SMAD9: variants seen among roughly 807,000 people sequenced by gnomAD.
SMAD9 encodes the protein SMAD family member 9.
Under a neutral mutation model 46.1 loss-of-function variants are expected in SMAD9, and 36 were observed. That is an observed-to-expected ratio of 0.78 (90% CI 0.60 to 1.03). SMAD9 has a LOEUF of 1.03. Among genes scored for constraint, SMAD9 ranks in the 50% least tolerant of loss-of-function variants. The pLI, the probability that SMAD9 is intolerant of heterozygous loss-of-function variation, is 0.00. For missense variants in SMAD9, 572 were observed against 599.8 expected, an observed-to-expected ratio of 0.95 and a Z score of 0.48; for synonymous variants, 245 against 237.1, an observed-to-expected ratio of 1.03 and a Z score of -0.31.
intron 1 of SMAD9, among the ~76,000 whole-genome samples, chr13:36,900,749 A>G (rs1325472501): frequency 6.6e-6 from 1 of 151,508 alleles, no homozygotes; most frequent in African/African-American, 2.4e-5. Context: ...TATTTTACTT[A>G]TTTTAAAAAA....
chr13:36,901,844 T>C (rs2058579092), intron 1 of SMAD9, among the ~76,000 whole-genome samples: 1 of 152,224 alleles, frequency 6.6e-6, no homozygotes, highest in South Asian at 2.1e-4. Context: ...ACTTTAAAAT[T>C]GGGTTGTGTG....
At position 36,879,381 on chromosome 13, in the gene SMAD9, G is replaced by T; in HGVS notation, c.309C>A (p.Ser103=). The T allele has an allele frequency of 3.7e-6, 6 of 1,614,118 alleles. No individual in the cohort carries two copies. The highest frequency in any genetic ancestry group is 5.1e-6 in the Non-Finnish European group (6 of 1,180,034). ...CRVWRWPDLQ[S]HHELKPLECC... ...ACTCCAGCGGCTTCAGCTCGTGGTG[G>T]GACTGCAGATCCGGCCAGCGCCACA... Residue 103 remains serine (S), a synonymous_variant, in exon 2 of 7, where the codon TCC becomes TCA. Transcript: ENST00000379826.
In SMAD9 at chr13:36,887,873, A is replaced by G. The variant is rs7333607; in HGVS notation, c.-186-7998T>C. The stretch of plus-strand genomic sequence containing the variant: ...TTCCCTCTGAAAACTCCAAGGTTGC[A>G]GAGAAGTTAGTGAGACAGGCAGCAG... On this transcript the variant is annotated intron_variant, in intron 1 of 6. Transcript: ENST00000379826. Among the ~76,000 whole-genome samples the G allele has an allele frequency of 0.23, 35,516 of 152,076 alleles. 4,309 individuals carry two copies. Among genetic ancestry groups the G allele is most frequent in the African/African-American group, 0.27 (11,354 of 41,476 alleles).
At chr13:36,913,378 T>G (rs561689331) in intron 1 of SMAD9, among the ~76,000 whole-genome samples, 3 of 152,214 alleles carry the variant, frequency 2.0e-5, no homozygotes, top group African/African-American at 7.2e-5. Context: ...ATAGGCAGGG[T>G]AGACACAATA....
intron 1 of SMAD9, among the ~76,000 whole-genome samples, chr13:36,902,499 G>A (rs1304948878): frequency 6.6e-6 from 1 of 151,714 alleles, no homozygotes; most frequent in Non-Finnish European, 1.5e-5. Context: ...TGTCACCCAG[G>A]CTGGAGTGCA....
intron 2 of SMAD9, among the ~76,000 whole-genome samples, chr13:36,877,220 G>A (rs1455532159): frequency 6.6e-6 from 1 of 152,090 alleles, no homozygotes; most frequent in African/African-American, 2.4e-5. Context: ...AAAGTAGCTG[G>A]GCATGGTGGC....
At chr13:36,892,360 A>T (rs1593605381) in intron 1 of SMAD9, among the ~76,000 whole-genome samples, 1 of 152,214 alleles carries the variant, frequency 6.6e-6, no homozygotes, top group Non-Finnish European at 1.5e-5. Context: ...AAGAGGATAC[A>T]CCAGCCTATC....
At chr13:36,905,061 C>T (rs189593481) in intron 1 of SMAD9, among the ~76,000 whole-genome samples, 53 of 152,318 alleles carry the variant, frequency 3.5e-4, no homozygotes, top group African/African-American at 1.3e-3. Context: ...TTGCCCCCCA[C>T]GGGACATCTG....
At chr13:36,906,930 T>C (rs2058624484) in intron 1 of SMAD9, among the ~76,000 whole-genome samples, 1 of 151,858 alleles carries the variant, frequency 6.6e-6, no homozygotes, top group African/African-American at 2.4e-5. Context: ...AACAAGAAAA[T>C]AGGTACTCAA....
At chr13:36,868,112 A>C (rs2058253355) in intron 3 of SMAD9, among the ~76,000 whole-genome samples, 2 of 152,358 alleles carry the variant, frequency 1.3e-5, no homozygotes, top group Admixed American at 1.3e-4. Flanking sequence ...AAAAGGTTGG[A>C]TCAATCTGCC....
chr13:36,892,499 T>C (rs377046522), intron 1 of SMAD9, among the ~76,000 whole-genome samples: 1 of 152,198 alleles, frequency 6.6e-6, no homozygotes, highest in African/African-American at 2.4e-5. Flanking sequence ...AAAAACCACA[T>C]TTTGACAAAC....
intron 5 of SMAD9, among the ~76,000 whole-genome samples, chr13:36,863,998 A>T (rs1018996311): frequency 1.3e-5 from 2 of 152,150 alleles, no homozygotes; most frequent in Non-Finnish European, 2.9e-5. Flanking sequence ...TAATACTTTA[A>T]TCCTGTCTTT....
intron 1 of SMAD9, among the ~76,000 whole-genome samples, chr13:36,912,197 GT>G (rs1157193012): frequency 6.6e-6 from 1 of 152,122 alleles, no homozygotes; most frequent in Non-Finnish European, 1.5e-5. Context: ...ATGACTACGG[GT>G]TAAAATTGAA....
chr13:36,871,335 T>C (rs1431025394), intron 3 of SMAD9, among the ~76,000 whole-genome samples: 3 of 152,132 alleles, frequency 2.0e-5, no homozygotes, highest in Non-Finnish European at 2.9e-5. Context: ...CTGGCCAACA[T>C]GGTGAAACCC....
At chr13:36,897,874 T>G (rs1279021074) in intron 1 of SMAD9, among the ~76,000 whole-genome samples, 1 of 125,192 alleles carries the variant, frequency 8.0e-6, no homozygotes, top group Non-Finnish European at 1.7e-5. Context: ...TTTTTTTTTT[T>G]GAGACAGAGT....
chr13:36,851,280 A>C (rs144352252), intron 6 of SMAD9, among the ~76,000 whole-genome samples: 2,176 of 152,120 alleles, frequency 0.014, 14 homozygotes, highest in Middle Eastern at 0.041. Flanking sequence ...TGCTCTTCAG[A>C]GTTTCCAGGT....
At chr13:36,869,353 G>C (rs2058266833) in intron 3 of SMAD9, among the ~76,000 whole-genome samples, 1 of 151,934 alleles carries the variant, frequency 6.6e-6, no homozygotes, top group African/African-American at 2.4e-5. Flanking sequence ...CTCCGGAGTA[G>C]CTGAATTACA....
intron 1 of SMAD9, among the ~76,000 whole-genome samples, chr13:36,902,984 T>C (rs2058589472): frequency 6.6e-6 from 1 of 152,040 alleles, no homozygotes; most frequent in Non-Finnish European, 1.5e-5. Flanking sequence ...GAAATAAGCG[T>C]GAGGATGGGA....
intron 2 of SMAD9, among the ~76,000 whole-genome samples, chr13:36,877,488 C>G (rs956937267): frequency 6.8e-6 from 1 of 147,898 alleles, no homozygotes; most frequent in Admixed American, 6.8e-5. Flanking sequence ...CTACATTATT[C>G]AGGAAGACAG....
Sources: gnomAD v4.1 joint callset for allele counts (sites outside exome capture counted in the v4.1 genomes callset) on GRCh38, gnomAD v4.1.1 for gene constraint, MANE v1.5 for transcripts, NCBI Gene and HGNC (gene_info 2026-07-23, HGNC 2026-07-21) for gene names.